KCNJ16: variants seen among roughly 807,000 people sequenced by gnomAD.
KCNJ16 encodes the protein potassium inwardly rectifying channel subfamily J member 16, also known as inward rectifier potassium channel 16.
Under a neutral mutation model 18.5 loss-of-function variants are expected in KCNJ16, and 15 were observed. The observed-to-expected ratio is 0.81, with a 90% CI of 0.54 to 1.25. The LOEUF (loss-of-function observed/expected upper bound fraction) is 1.25, where lower values mean the gene tolerates loss of function less well. KCNJ16 is among the 50% of genes most tolerant of loss of function. The probability of loss-of-function intolerance (pLI) is 0.00; values close to 1 mark genes in which losing one functional copy is unlikely to be tolerated. For synonymous variants in KCNJ16, 174 were observed against 186.5 expected, an observed-to-expected ratio of 0.93 and a Z score of 0.55; for missense variants, 523 against 525.7, an observed-to-expected ratio of 0.99 and a Z score of 0.05.
chr17:70,093,326 G>C (rs2072208898), intron 1 of KCNJ16, among the ~76,000 whole-genome samples: 1 of 152,164 alleles, frequency 6.6e-6, no homozygotes, highest in Admixed American at 6.5e-5. Context: ...AGCCTCTAAG[G>C]GAGAATGTCC....
At chr17:70,111,726 C>T (rs2073191948) in intron 2 of KCNJ16, among the ~76,000 whole-genome samples, 1 of 151,954 alleles carries the variant, frequency 6.6e-6, no homozygotes, top group South Asian at 2.1e-4. Context: ...GGTAGTTTCC[C>T]CCATACTGTT....
chr17:70,089,908 T>C (rs1180793586), intron 1 of KCNJ16, among the ~76,000 whole-genome samples: 1 of 152,222 alleles, frequency 6.6e-6, no homozygotes, highest in Non-Finnish European at 1.5e-5. Flanking sequence ...CTTCCACCAC[T>C]GCAGGTCTAA....
At chr17:70,090,304 A>G (rs1425702046) in intron 1 of KCNJ16, among the ~76,000 whole-genome samples, 2 of 152,202 alleles carry the variant, frequency 1.3e-5, no homozygotes, top group East Asian at 3.9e-4. Context: ...CTGACCTAAA[A>G]ACACTGTCAT....
intron 2 of KCNJ16, among the ~76,000 whole-genome samples, chr17:70,103,321 T>TATATATATATATATATATATAC (rs1355893521): frequency 4.5e-5 from 2 of 44,486 alleles, no homozygotes; most frequent in African/African-American, 1.4e-4. Context: ...TATATATATA[T>TATATATATATATATATATATAC]ACACACACAT....
chr17:70,130,865 T>C lies in KCNJ16; in HGVS notation c.-190-14T>C, dbSNP rs188246477. On this transcript the variant is annotated splice_polypyrimidine_tract_variant and intron_variant, in intron 2 of 3. Coordinates refer to ENST00000392671, the MANE Select transcript of KCNJ16 (RefSeq NM_170741.4). ...ATTGGCTACAATACTTTTATTTTTGTTTGTTTTGCACAGGAGTAACTCAAG... is the reference window on the plus strand; with the variant it reads ...ATTGGCTACAATACTTTTATTTTTGCTTGTTTTGCACAGGAGTAACTCAAG... 188 of 1,104,060 alleles carry C rather than the reference T, an allele frequency of 1.7e-4. No homozygotes were observed. In the African/African-American group the frequency reaches 2.7e-3, roughly 16 times the overall value. The allele number at this position is 1,104,060 out of a possible 1,614,324, so 68.4% of individuals were successfully genotyped here. A position where few individuals can be genotyped will look rare whatever the true frequency, so the allele number is the denominator to read the frequency against.
chr17:70,118,354 C>T (rs933737308), intron 2 of KCNJ16, among the ~76,000 whole-genome samples: 3 of 151,654 alleles, frequency 2.0e-5, no homozygotes, highest in Non-Finnish European at 4.4e-5. Flanking sequence ...CACATATATA[C>T]CTATGTAACA....
At chr17:70,116,188 T>A (rs941995826) in intron 2 of KCNJ16, among the ~76,000 whole-genome samples, 2 of 152,136 alleles carry the variant, frequency 1.3e-5, no homozygotes, top group African/African-American at 4.8e-5. Context: ...ACTTAAAAAA[T>A]TTTATTGTAT....
At chr17:70,092,295 T>C (rs1057165757) in intron 1 of KCNJ16, among the ~76,000 whole-genome samples, 2 of 152,180 alleles carry the variant, frequency 1.3e-5, no homozygotes, top group African/African-American at 4.8e-5. Flanking sequence ...AGATACCATG[T>C]GAAGTCAAAG....
At chr17:70,102,215 C>CCT (rs2072665773) in intron 2 of KCNJ16, 2 of 48,130 alleles carry the variant, frequency 4.2e-5, no homozygotes, top group African/African-American at 1.7e-4. Context: ...ACCAAAAGTA[C>CCT]TTTTTTTTTT....
chr17:70,111,547 A>G lies in KCNJ16; in HGVS notation c.-191+10781A>G, dbSNP rs182109156. Among the ~76,000 whole-genome samples, 3 of 152,130 alleles carry G rather than the reference A, an allele frequency of 2.0e-5. No homozygotes were observed. The East Asian group carries it at 5.8e-4, about 30-fold the overall frequency. ...ATTTTGATTAGTGCTGTTCTATTAA[A>G]CTGGTAGTAAAATATCTTTGGGGAA... On this transcript the variant is annotated intron_variant, in intron 2 of 3. Coordinates refer to ENST00000392671, the MANE Select transcript of KCNJ16 (RefSeq NM_170741.4).
At chr17:70,129,410 A>G (rs1039237838) in intron 2 of KCNJ16, among the ~76,000 whole-genome samples, 6 of 152,206 alleles carry the variant, frequency 3.9e-5, no homozygotes, top group Admixed American at 2.6e-4. Context: ...AGACTAATAA[A>G]TATTTCATCT....
chr17:70,125,106 T>C (rs562829868), intron 2 of KCNJ16, among the ~76,000 whole-genome samples: 1 of 151,766 alleles, frequency 6.6e-6, no homozygotes, highest in South Asian at 2.1e-4. Context: ...TCTCTAAAAA[T>C]AAATAAAAAA....
intron 1 of KCNJ16, among the ~76,000 whole-genome samples, chr17:70,094,182 A>C (rs949975200): frequency 6.6e-6 from 1 of 152,192 alleles, no homozygotes; most frequent in African/African-American, 2.4e-5. Context: ...TCACAGCCTA[A>C]AGAGAAATAA....
chr17:70,105,726 A>T (rs2072893392), intron 2 of KCNJ16, among the ~76,000 whole-genome samples: 1 of 150,294 alleles, frequency 6.7e-6, no homozygotes, highest in African/African-American at 2.5e-5. Flanking sequence ...TCTTCTGCTC[A>T]TTGCTTTCTT....
At chr17:70,126,725 T>C (rs1159521349) in intron 2 of KCNJ16, among the ~76,000 whole-genome samples, 1 of 152,198 alleles carries the variant, frequency 6.6e-6, no homozygotes, top group East Asian at 1.9e-4. Flanking sequence ...ATCATTGTGA[T>C]TTTAAGTTTT....
At chr17:70,084,958 G>A (rs910743125) in intron 1 of KCNJ16, among the ~76,000 whole-genome samples, 1 of 152,064 alleles carries the variant, frequency 6.6e-6, no homozygotes. Flanking sequence ...TTTGGCCAAC[G>A]CTTTCATCTT....
intron 1 of KCNJ16, among the ~76,000 whole-genome samples, chr17:70,092,388 G>A (rs975445065): frequency 1.8e-4 from 28 of 152,062 alleles, no homozygotes; most frequent in African/African-American, 6.3e-4. Flanking sequence ...AACAAACTCA[G>A]AGCATGAGTT....
At chr17:70,117,824 T>C (rs1180755755) in intron 2 of KCNJ16, among the ~76,000 whole-genome samples, 1 of 152,184 alleles carries the variant, frequency 6.6e-6, no homozygotes, top group Non-Finnish European at 1.5e-5. Context: ...AGCTTACAAT[T>C]TATTTCACAG....
At chr17:70,103,296 G>GTGTA (rs1408960241) in intron 2 of KCNJ16, among the ~76,000 whole-genome samples, 740 of 72,050 alleles carry the variant, frequency 0.01, 10 homozygotes, top group African/African-American at 0.03. Context: ...ATGTGTGTGT[G>GTGTA]TATATATATA....
Sources: gnomAD v4.1 joint callset for allele counts (sites outside exome capture counted in the v4.1 genomes callset) on GRCh38, gnomAD v4.1.1 for gene constraint, MANE v1.5 for transcripts, NCBI Gene and HGNC (gene_info 2026-07-23, HGNC 2026-07-21) for gene names.